RBMS3: variants seen among roughly 807,000 people sequenced by gnomAD.
The protein encoded by RBMS3 is RNA binding motif single stranded interacting protein 3.
In RBMS3, 27 loss-of-function variants were observed where a neutral mutation model predicts 66.8. The observed-to-expected ratio is 0.40, with a 90% confidence interval of 0.30 to 0.56. The LOEUF is 0.56. Ranked by LOEUF, RBMS3 falls within the 20% of genes least tolerant of loss-of-function variation. The pLI is 0.40. For missense variants in RBMS3, 513 were observed against 549.5 expected (o/e 0.93, Z 0.66); for synonymous variants, 188 against 183.0 (o/e 1.03, Z -0.22).
rs368050214 is a variant in RBMS3, at chr3:30,005,216, G to A, written c.*1354G>A. Reference sequence around the variant, plus strand: ...TAGTGCAAAAAAAAAAAGAGGGTGGGGGGAGTTGTCTCTCTTTTCTTTAAA... The same window carrying A: ...TAGTGCAAAAAAAAAAAGAGGGTGGAGGGAGTTGTCTCTCTTTTCTTTAAA... On this transcript the variant is annotated 3_prime_UTR_variant, in exon 15 of 15. Coordinates refer to ENST00000383767, the MANE Select transcript of RBMS3 (RefSeq NM_001003793.3). 7.1e-4 allele frequency: 108 copies of A among 151,722 alleles called. No individual in the cohort carries two copies. The highest frequency in any genetic ancestry group is 2.4e-3 in the African/African-American group (98 of 41,468). The allele number at this position is 151,722 out of a possible 1,614,324, so 9.4% of individuals were successfully genotyped here. A position where few individuals can be genotyped will look rare whatever the true frequency, so the allele number is the denominator to read the frequency against.
Position 29,990,414 on chromosome 3 carries a change from T to C in RBMS3, c.1180-668T>C, listed in dbSNP as rs139840353. Among the ~76,000 whole-genome samples, 674 of 143,706 alleles carry C rather than the reference T, an allele frequency of 4.7e-3. 8 individuals are homozygous for C. The highest frequency in any genetic ancestry group is 7.1e-3 in the Non-Finnish European group (471 of 66,228). The allele number at this position is 143,706 out of a possible 152,430, so 94.3% of individuals were successfully genotyped here. The stretch of plus-strand genomic sequence containing the variant: ...CTGGATTCCAAAAATATATTCCTGA[T>C]TGTGACCAATTCCGGAAATCCACTC... On this transcript the variant is annotated intron_variant, in intron 13 of 14. Coordinates refer to ENST00000383767, the MANE Select transcript of RBMS3 (RefSeq NM_001003793.3).
chr3:29,295,387 A>G (rs919558535), intron 1 of RBMS3, among the ~76,000 whole-genome samples: 1 of 147,704 alleles, frequency 6.8e-6, no homozygotes, highest in Admixed American at 6.8e-5. Flanking sequence ...ACACATATAT[A>G]TATGTTTCAT....
intron 6 of RBMS3, among the ~76,000 whole-genome samples, chr3:29,808,560 A>G (rs2057628843): frequency 6.6e-6 from 1 of 152,012 alleles, no homozygotes; most frequent in Non-Finnish European, 1.5e-5. Flanking sequence ...ATTTTACACA[A>G]TACCTGGATC....
At chr3:29,496,649 C>G (rs528200359) in intron 3 of RBMS3, among the ~76,000 whole-genome samples, 4 of 152,182 alleles carry the variant, frequency 2.6e-5, no homozygotes, top group Non-Finnish European at 5.9e-5. Context: ...AAAGGCAATA[C>G]TTCTGCCAAA....
At chr3:29,639,214 A>G (rs2049589641) in intron 4 of RBMS3, among the ~76,000 whole-genome samples, 1 of 151,830 alleles carries the variant, frequency 6.6e-6, no homozygotes, top group Non-Finnish European at 1.5e-5. Flanking sequence ...TCCAGAAATT[A>G]ATAGTATTTA....
intron 5 of RBMS3, among the ~76,000 whole-genome samples, chr3:29,742,559 G>T (rs765018582): frequency 3.3e-5 from 5 of 152,106 alleles, no homozygotes; most frequent in Non-Finnish European, 5.9e-5. Flanking sequence ...TTTCTTCAAA[G>T]AATTTTTCGC....
Position 30,004,198 on chromosome 3 carries a change from G to C in RBMS3, c.*336G>C, listed in dbSNP as rs2125407443. On this transcript the variant is annotated 3_prime_UTR_variant, in exon 15 of 15. Transcript: ENST00000383767. Reference sequence around the variant, plus strand: ...GAATTGAATTCAGAATTTTTCTGAAGGTGTAGATACTTTTTTTTTTTTTTT... The same window carrying C: ...GAATTGAATTCAGAATTTTTCTGAACGTGTAGATACTTTTTTTTTTTTTTT... The C allele has an allele frequency of 5.1e-6, 1 of 197,176 alleles. No homozygotes were observed. The highest frequency in any genetic ancestry group is 1.0e-5 in the Non-Finnish European group (1 of 98,998). 12.2% of individuals were successfully genotyped at this position (197,176 alleles called of 1,614,324 possible).
intron 11 of RBMS3, 56 bp from the exon 12 acceptor site, chr3:29,944,151 A>G: frequency 6.7e-7 from 1 of 1,483,662 alleles, no homozygotes; most frequent in African/African-American, 1.4e-5. Flanking sequence ...GGCTGATTCT[A>G]TTTTATTTTC....
At chr3:29,909,553 G>C (rs752650682) in intron 10 of RBMS3, among the ~76,000 whole-genome samples, 19 of 152,022 alleles carry the variant, frequency 1.2e-4, no homozygotes, top group Non-Finnish European at 2.4e-4. Context: ...GAGTGTCTAG[G>C]GGCAGTGGTG....
chr3:29,947,487 A>T (rs1419987135), intron 12 of RBMS3, among the ~76,000 whole-genome samples: 1 of 151,542 alleles, frequency 6.6e-6, no homozygotes, highest in African/African-American at 2.4e-5. Flanking sequence ...CAAAAGAAAG[A>T]AGGAAGCTTG....
intron 1 of RBMS3, among the ~76,000 whole-genome samples, chr3:29,338,698 CCTCCT>C (rs145928823): frequency 0.27 from 30,754 of 113,796 alleles, 4,285 homozygotes; most frequent in East Asian, 0.38. Context: ...CTCCTCTCCT[CCTCCT>C]CTCCTCTCCT....
intron 6 of RBMS3, among the ~76,000 whole-genome samples, chr3:29,788,149 C>A (rs550215143): frequency 6.6e-6 from 1 of 151,466 alleles, no homozygotes; most frequent in African/African-American, 2.4e-5. Context: ...CAAGTACCCA[C>A]CCTTCTCTAA....
chr3:29,369,487 A>ACACAC (rs2038078500), intron 1 of RBMS3, among the ~76,000 whole-genome samples: 1 of 135,270 alleles, frequency 7.4e-6, no homozygotes, highest in African/African-American at 2.8e-5. Context: ...ATCACTCCTT[A>ACACAC]ACACACACAC....
At chr3:29,327,478 T>G (rs2035409025) in intron 1 of RBMS3, among the ~76,000 whole-genome samples, 2 of 152,242 alleles carry the variant, frequency 1.3e-5, no homozygotes, top group Admixed American at 1.3e-4. Context: ...TTTCTCTTCC[T>G]ACTTCTCCCT....
At chr3:29,373,509 C>G (rs912213492) in intron 1 of RBMS3, among the ~76,000 whole-genome samples, 7 of 152,046 alleles carry the variant, frequency 4.6e-5, no homozygotes. Flanking sequence ...CAGACTTGAC[C>G]CCTAGACCTT....
chr3:29,840,525 A>G (rs2058635737), intron 6 of RBMS3, among the ~76,000 whole-genome samples: 1 of 152,020 alleles, frequency 6.6e-6, no homozygotes, highest in African/African-American at 2.4e-5. Flanking sequence ...AAAGAACTTC[A>G]TTCTACCTGT....
At chr3:29,655,208 C>T (rs1262922565) in intron 4 of RBMS3, among the ~76,000 whole-genome samples, 1 of 152,134 alleles carries the variant, frequency 6.6e-6, no homozygotes, top group East Asian at 1.9e-4. Context: ...AGAACAATGG[C>T]TTGTGAATAC....
At chr3:29,928,855 A>G (rs898034696) in intron 10 of RBMS3, among the ~76,000 whole-genome samples, 2 of 151,830 alleles carry the variant, frequency 1.3e-5, no homozygotes, top group Non-Finnish European at 2.9e-5. Flanking sequence ...CTCTTCTCCC[A>G]TAACATATTT....
At chr3:29,591,657 A>G (rs1255274393) in intron 4 of RBMS3, among the ~76,000 whole-genome samples, 1 of 152,204 alleles carries the variant, frequency 6.6e-6, no homozygotes, top group Non-Finnish European at 1.5e-5. Flanking sequence ...ATATTTAGAA[A>G]CACTAGAATG....
Sources: allele counts gnomAD v4.1 joint callset (sites outside exome capture counted in the v4.1 genomes callset), GRCh38; gene constraint gnomAD v4.1.1; transcripts MANE v1.5; gene names NCBI Gene and HGNC (gene_info 2026-07-23, HGNC 2026-07-21).